PDE10A: variants seen among roughly 807,000 people sequenced by gnomAD.
The protein encoded by PDE10A is phosphodiesterase 10A, also known as cAMP and cAMP-inhibited cGMP 3',5'-cyclic phosphodiesterase 10A.
Under a neutral mutation model 97.7 loss-of-function variants are expected in PDE10A, and 39 were observed. That is an observed-to-expected ratio of 0.40 (90% CI 0.31 to 0.52). The LOEUF is 0.52. PDE10A is among the 20% of genes least tolerant of loss of function. The pLI, the probability that PDE10A is intolerant of heterozygous loss-of-function variation, is 0.56. For synonymous variants in PDE10A, 371 were observed against 376.8 expected (o/e 0.98, Z 0.18); for missense variants, 731 against 1,047.8 (o/e 0.70, Z 4.17).
chr6:165,763,842 G>T (rs1793309876), intron 1 of PDE10A, among the ~76,000 whole-genome samples: 1 of 152,232 alleles, frequency 6.6e-6, no homozygotes, highest in Admixed American at 6.5e-5. Context: ...CAGAGTAATT[G>T]CTACCTCGTA....
intron 1 of PDE10A, among the ~76,000 whole-genome samples, chr6:165,605,721 T>G (rs752021361): frequency 2.0e-5 from 3 of 152,108 alleles, no homozygotes; most frequent in Non-Finnish European, 4.4e-5. Flanking sequence ...CTTCGGCGCA[T>G]GCAATGCTAC....
intron 1 of PDE10A, among the ~76,000 whole-genome samples, chr6:165,756,308 G>A (rs758820926): frequency 5.9e-5 from 9 of 152,042 alleles, no homozygotes; most frequent in Non-Finnish European, 8.8e-5. Context: ...TTTGAGAAGG[G>A]TAGGCATTCA....
intron 1 of PDE10A, among the ~76,000 whole-genome samples, chr6:165,629,877 T>TG (rs1788552409): frequency 7.4e-6 from 1 of 134,796 alleles, no homozygotes; most frequent in Admixed American, 7.1e-5. Context: ...TATGAATTTT[T>TG]GTTTTTTTTT....
chr6:165,440,964 A>G (rs1045897491), intron 5 of PDE10A, among the ~76,000 whole-genome samples: 1 of 152,240 alleles, frequency 6.6e-6, no homozygotes, highest in Non-Finnish European at 1.5e-5. Flanking sequence ...GCATAGCCAT[A>G]CAAACAATAA....
chr6:165,648,163 C>T (rs904386507), intron 1 of PDE10A, among the ~76,000 whole-genome samples: 1 of 152,156 alleles, frequency 6.6e-6, no homozygotes, highest in African/African-American at 2.4e-5. Context: ...TAGGCGCCCA[C>T]CACCACGCCC....
rs566835464 is a variant in PDE10A, at chr6:165,569,645, G to A, written c.866-26077C>T. On this transcript the variant is annotated intron_variant, in intron 1 of 21. Coordinates refer to ENST00000539869, the MANE Select transcript of PDE10A (RefSeq NM_001385079.1). Reference sequence around the variant, plus strand: ...TCTCTTTATAGGAAATGTTCCTCTTGTCTTGTTAAACTCATACCCTCCTCT... The same window carrying A: ...TCTCTTTATAGGAAATGTTCCTCTTATCTTGTTAAACTCATACCCTCCTCT... Among the ~76,000 whole-genome samples, 6 of 152,136 alleles carry A rather than the reference G, an allele frequency of 3.9e-5. No individual in the cohort carries two copies. In the South Asian group the frequency reaches 1.0e-3, roughly 26 times the overall value.
intron 1 of PDE10A, among the ~76,000 whole-genome samples, chr6:165,643,884 T>C (rs896579124): frequency 3.2e-4 from 48 of 152,212 alleles, no homozygotes; most frequent in African/African-American, 1.1e-3. Flanking sequence ...AAGTGATAGA[T>C]ATGTTAATTC....
At chr6:165,732,264 C>T (rs1393853333) in intron 1 of PDE10A, among the ~76,000 whole-genome samples, 2 of 152,320 alleles carry the variant, frequency 1.3e-5, no homozygotes, top group Admixed American at 1.3e-4. Flanking sequence ...AAATGATAAC[C>T]TGGCCGTCTT....
chr6:165,884,681 A>G (rs570199304), intron 1 of PDE10A, among the ~76,000 whole-genome samples: 43 of 152,362 alleles, frequency 2.8e-4, no homozygotes, highest in African/African-American at 9.6e-4. Flanking sequence ...ACTGAAATGA[A>G]TTTTATGTAA....
At chr6:165,649,444 C>T (rs890013103) in intron 1 of PDE10A, among the ~76,000 whole-genome samples, 4 of 152,054 alleles carry the variant, frequency 2.6e-5, no homozygotes, top group South Asian at 2.1e-4. Flanking sequence ...AAAACCAGGG[C>T]GGAGGGCAAA....
intron 1 of PDE10A, among the ~76,000 whole-genome samples, chr6:165,548,881 C>T (rs1783868426): frequency 6.6e-6 from 1 of 152,200 alleles, no homozygotes; most frequent in Admixed American, 6.5e-5. Context: ...GATGCAGTAA[C>T]ATTCTCCCAT....
chr6:165,985,880 G>C (rs1225950942), intron 1 of PDE10A, among the ~76,000 whole-genome samples: 1 of 127,672 alleles, frequency 7.8e-6, no homozygotes, highest in African/African-American at 2.9e-5. Context: ...AGTCCACGCA[G>C]ATCTGGGTCT....
chr6:165,348,883 G>A (rs1782496225), intron 18 of PDE10A, among the ~76,000 whole-genome samples: 1 of 152,154 alleles, frequency 6.6e-6, no homozygotes, highest in Non-Finnish European at 1.5e-5. Context: ...CTCTCCTGCT[G>A]CCACGTGAAG....
Position 165,839,496 on chromosome 6 carries a change from A to C in PDE10A, c.-615+148033T>G, listed in dbSNP as rs117840699. Among the ~76,000 whole-genome samples, 39 of 152,308 alleles carry C rather than the reference A, an allele frequency of 2.6e-4. 2 individuals carry two copies. In the East Asian group the frequency reaches 6.4e-3, roughly 25 times the overall value. On this transcript the variant is annotated intron_variant, in intron 1 of 19. Transcript: ENST00000366882. The stretch of plus-strand genomic sequence containing the variant: ...GATTGACTGACCACACAACATATTT[A>C]CAACTTCTGGAGAGTTCCAGTCCCC...
chr6:165,665,160 G>A (rs923245556), upstream of PDE10A, among the ~76,000 whole-genome samples: 6 of 152,228 alleles, frequency 3.9e-5, no homozygotes, highest in Admixed American at 2.0e-4. Context: ...GGAGTTTACT[G>A]ATTAGCTCTG....
At chr6:165,781,154 C>G (rs1474534955) in intron 1 of PDE10A, 1 of 152,236 alleles carries the variant, frequency 6.6e-6, no homozygotes, top group South Asian at 2.1e-4. Context: ...TCTCTTTGCT[C>G]GTGTCCACTT....
intron 2 of PDE10A, among the ~76,000 whole-genome samples, chr6:165,500,308 T>C (rs1388114209): frequency 6.6e-6 from 1 of 152,146 alleles, no homozygotes; most frequent in African/African-American, 2.4e-5. Context: ...ATCAGACTGT[T>C]ACTGTGTCTA....
intron 1 of PDE10A, among the ~76,000 whole-genome samples, chr6:165,746,654 A>G (rs1400586771): frequency 3.9e-5 from 6 of 152,314 alleles, no homozygotes; most frequent in African/African-American, 1.2e-4. Context: ...AACAGGCAAG[A>G]AGAGCAGAGG....
chr6:165,447,262 C>G (rs549487547), intron 5 of PDE10A, among the ~76,000 whole-genome samples: 36 of 152,320 alleles, frequency 2.4e-4, no homozygotes, highest in African/African-American at 7.5e-4. Context: ...TATTCTCTTT[C>G]CACAGGGCAG....
Sources: allele counts gnomAD v4.1 joint callset (sites outside exome capture counted in the v4.1 genomes callset), GRCh38; gene constraint gnomAD v4.1.1; transcripts MANE v1.5; gene names NCBI Gene and HGNC (gene_info 2026-07-23, HGNC 2026-07-21).